The following ZBBX variants were observed in gnomAD, a reference collection of about 807,000 sequenced individuals.
ZBBX encodes the protein zinc finger B-box domain containing, also known as zinc finger B-box domain-containing protein 1.
In ZBBX, 101 loss-of-function variants were observed where a neutral mutation model predicts 108.5. The observed-to-expected ratio is 0.93, with a 90% CI of 0.79 to 1.10. ZBBX has a LOEUF of 1.10. Ranked by LOEUF, ZBBX falls within the 50% of genes least tolerant of loss-of-function variation. ZBBX has a pLI of 0.00. For missense variants in ZBBX, 1,009 were observed against 941.4 expected, an observed-to-expected ratio of 1.07 and a Z score of -0.94; for synonymous variants, 356 against 323.4, an observed-to-expected ratio of 1.10 and a Z score of -1.08.
intron 13 of ZBBX, 77 bp from the exon 14 acceptor site, chr3:167,317,182 CA>C: frequency 6.0e-6 from 6 of 999,314 alleles, no homozygotes; most frequent in South Asian, 1.6e-5. Flanking sequence ...AGATAGCCAC[CA>C]AAAAAGAAGA....
At chr3:167,374,922 G>A (rs1320984239) in intron 2 of ZBBX, among the ~76,000 whole-genome samples, 1 of 152,124 alleles carries the variant, frequency 6.6e-6, no homozygotes, top group East Asian at 1.9e-4. Context: ...AGGGACTAAT[G>A]AATAGTTACA....
chr3:167,295,817 C>T (rs1731608952), intron 18 of ZBBX, among the ~76,000 whole-genome samples: 1 of 138,254 alleles, frequency 7.2e-6, no homozygotes, highest in South Asian at 2.3e-4. Context: ...AATGAAAAGT[C>T]CTGGACCTAA....
At chr3:167,238,529 G>A (rs927613924), downstream of ZBBX, among the ~76,000 whole-genome samples, 38 of 152,084 alleles carry the variant, frequency 2.5e-4, no homozygotes, top group African/African-American at 9.2e-4. Flanking sequence ...TGTGAATTTA[G>A]TACAGTTTAT....
intron 20 of ZBBX, among the ~76,000 whole-genome samples, chr3:167,266,076 G>A (rs1410546706): frequency 1.3e-5 from 2 of 152,150 alleles, no homozygotes; most frequent in Non-Finnish European, 2.9e-5. Flanking sequence ...CCTGAGTTTT[G>A]GTTCCTGCCA....
chr3:167,266,583 G>T (rs927210393), intron 20 of ZBBX, among the ~76,000 whole-genome samples: 1 of 151,898 alleles, frequency 6.6e-6, no homozygotes, highest in Non-Finnish European at 1.5e-5. Context: ...TAGCCAATTG[G>T]GTCAGCTCAG....
At chr3:167,179,673 C>T in the ZBBX span, among the ~76,000 whole-genome samples, 2 of 152,278 alleles carry the variant, frequency 1.3e-5, no homozygotes, top group African/African-American at 4.8e-5. Context: ...ATTACAGCTA[C>T]AAGCTCCGCT....
the ZBBX span, among the ~76,000 whole-genome samples, chr3:167,189,533 C>T: frequency 6.6e-6 from 1 of 152,126 alleles, no homozygotes; most frequent in Non-Finnish European, 1.5e-5. Flanking sequence ...ACACCAGATT[C>T]CCATAAATTC....
At chr3:167,332,121 T>G (rs1738734749) in intron 10 of ZBBX, among the ~76,000 whole-genome samples, 2 of 152,110 alleles carry the variant, frequency 1.3e-5, no homozygotes, top group Admixed American at 6.6e-5. Flanking sequence ...AATCTCCAAT[T>G]CTTATGATGC....
intron 1 of ZBBX, among the ~76,000 whole-genome samples, chr3:167,388,783 G>A (rs1005083631): frequency 7.2e-5 from 11 of 151,880 alleles, no homozygotes; most frequent in Middle Eastern, 3.2e-3. Context: ...CTGCCATCAA[G>A]CTAGCGTTCA....
chr3:167,350,077 C>G (rs1742362609), intron 9 of ZBBX, among the ~76,000 whole-genome samples: 1 of 151,832 alleles, frequency 6.6e-6, no homozygotes, highest in African/African-American at 2.4e-5. Flanking sequence ...TACCTAAAAA[C>G]TATAGAAATA....
At chr3:167,390,348 G>T (rs1033517671) in intron 1 of ZBBX, among the ~76,000 whole-genome samples, 1 of 152,082 alleles carries the variant, frequency 6.6e-6, no homozygotes, top group African/African-American at 2.4e-5. Context: ...CCAGTGCCAT[G>T]CTGTTTTGGT....
chr3:167,187,256 G>GT, the ZBBX span, among the ~76,000 whole-genome samples: 1 of 152,128 alleles, frequency 6.6e-6, no homozygotes, highest in African/African-American at 2.4e-5. Flanking sequence ...GCAGAATAGT[G>GT]GTAATAGTGA....
intron 20 of ZBBX, among the ~76,000 whole-genome samples, chr3:167,245,647 T>G (rs1441657788): frequency 6.6e-6 from 1 of 151,920 alleles, no homozygotes; most frequent in Non-Finnish European, 1.5e-5. Context: ...TGATAGAGAG[T>G]TCTCATGAGA....
At chr3:167,270,212 C>T (rs1032650141) in intron 20 of ZBBX, among the ~76,000 whole-genome samples, 3 of 152,092 alleles carry the variant, frequency 2.0e-5, no homozygotes, top group African/African-American at 7.2e-5. Flanking sequence ...AATATTTAGG[C>T]CATTTCGTAA....
intron 18 of ZBBX, among the ~76,000 whole-genome samples, chr3:167,295,758 TAAAA>T (rs60203051): frequency 0.2 from 1,782 of 8,926 alleles, 368 homozygotes; most frequent in Middle Eastern, 0.33. Context: ...TATATATATA[TAAAA>T]AAAACTAGTA....
At chr3:167,234,573 C>T in the ZBBX span, among the ~76,000 whole-genome samples, 4 of 151,762 alleles carry the variant, frequency 2.6e-5, no homozygotes, top group South Asian at 2.1e-4. Context: ...AGTATAATAG[C>T]GTCCCTTAAA....
intron 20 of ZBBX, among the ~76,000 whole-genome samples, chr3:167,245,819 C>CT (rs57014445): frequency 1.2e-4 from 18 of 150,458 alleles, no homozygotes; most frequent in South Asian, 4.2e-4. Context: ...AATTAAACTT[C>CT]TTTTTTTTTT....
chr3:167,320,598 A>C (rs1418034142), intron 12 of ZBBX, among the ~76,000 whole-genome samples: 1 of 152,048 alleles, frequency 6.6e-6, no homozygotes, highest in African/African-American at 2.4e-5. Flanking sequence ...TTGATGTATC[A>C]TCTCAATGTG....
At chr3:167,241,078 T>C (rs1258290431) in intron 21 of ZBBX, among the ~76,000 whole-genome samples, 159 bp from the exon 22 acceptor site, 3 of 152,186 alleles carry the variant, frequency 2.0e-5, no homozygotes, top group Non-Finnish European at 2.9e-5. Context: ...GTGCCCAATA[T>C]ACCAAGCCTC....
Sources: allele counts gnomAD v4.1 joint callset (sites outside exome capture counted in the v4.1 genomes callset), GRCh38; gene constraint gnomAD v4.1.1; transcripts MANE v1.5; gene names NCBI Gene and HGNC (gene_info 2026-07-23, HGNC 2026-07-21).